Variants in BMPR1A observed in about 807,000 individuals in gnomAD.
BMPR1A encodes bone morphogenetic protein receptor type-1A.
Under a neutral mutation model 66.0 loss-of-function variants are expected in BMPR1A, and 7 were observed. That is an observed-to-expected ratio of 0.11 (90% CI 0.06 to 0.20). The LOEUF (loss-of-function observed/expected upper bound fraction) is 0.20. Among genes scored for constraint, BMPR1A ranks in the 10% least tolerant of loss-of-function variants. The probability of loss-of-function intolerance (pLI) is 1.00; values close to 1 mark genes in which losing one functional copy is unlikely to be tolerated. For missense variants in BMPR1A, 408 were observed against 669.1 expected (o/e 0.61, Z 4.31); for synonymous variants, 200 against 229.7 (o/e 0.87, Z 1.17).
intron 2 of BMPR1A, among the ~76,000 whole-genome samples, chr10:86,839,327 G>A (rs1013036506): frequency 6.6e-6 from 1 of 152,090 alleles, no homozygotes; most frequent in Non-Finnish European, 1.5e-5. Context: ...ATTAGGCCAG[G>A]TGTGCCTGTA....
intron 2 of BMPR1A, among the ~76,000 whole-genome samples, chr10:86,850,056 C>T (rs944733544): frequency 2.0e-5 from 3 of 152,110 alleles, no homozygotes; most frequent in Admixed American, 6.5e-5. Context: ...TGCAGTGGCT[C>T]ATGCCTGTAA....
At chr10:86,814,718 A>C (rs1006034486) in intron 1 of BMPR1A, among the ~76,000 whole-genome samples, 5 of 151,234 alleles carry the variant, frequency 3.3e-5, no homozygotes, top group African/African-American at 1.2e-4. Context: ...GCCTTCTAGC[A>C]TGATGTATTT....
chr10:86,819,534 C>T (rs567286278), intron 1 of BMPR1A, among the ~76,000 whole-genome samples: 93 of 152,272 alleles, frequency 6.1e-4, no homozygotes, highest in Non-Finnish European at 1.1e-3. Flanking sequence ...CTCCTGACCT[C>T]GTGATCCGCC....
At chr10:86,814,631 T>C (rs1296313688) in intron 1 of BMPR1A, among the ~76,000 whole-genome samples, 1 of 152,174 alleles carries the variant, frequency 6.6e-6, no homozygotes, top group African/African-American at 2.4e-5. Context: ...TCATGCTTTA[T>C]ATAATTTTCT....
intron 2 of BMPR1A, among the ~76,000 whole-genome samples, chr10:86,862,335 T>A (rs1842722516): frequency 6.6e-6 from 1 of 152,082 alleles, no homozygotes; most frequent in Admixed American, 6.5e-5. Context: ...GGCATAGGGA[T>A]CTGCACGTGC....
chr10:86,804,148 T>C (rs929793285), intron 1 of BMPR1A, among the ~76,000 whole-genome samples: 6 of 152,200 alleles, frequency 3.9e-5, no homozygotes, highest in Non-Finnish European at 4.4e-5. Context: ...AAATATATCA[T>C]CTTTAAATAA....
chr10:86,931,298 C>CACACACACAT, downstream of BMPR1A: 3 of 90,924 alleles, frequency 3.3e-5, no homozygotes, highest in South Asian at 9.5e-4. Flanking sequence ...CACACACACA[C>CACACACACAT]ATATATATAT....
chr10:86,910,182 C>G (rs1843457566), intron 7 of BMPR1A, among the ~76,000 whole-genome samples: 1 of 151,704 alleles, frequency 6.6e-6, no homozygotes, highest in Middle Eastern at 3.2e-3. Flanking sequence ...AAAAAAAATA[C>G]AAAAATTAGC....
chr10:86,802,822 G>A (rs947458102), intron 1 of BMPR1A, among the ~76,000 whole-genome samples: 3 of 151,482 alleles, frequency 2.0e-5, no homozygotes, highest in Non-Finnish European at 2.9e-5. Flanking sequence ...AAAAAAAGGA[G>A]TTAATTGGGA....
At chr10:86,859,396 T>C (rs1265315120) in intron 2 of BMPR1A, among the ~76,000 whole-genome samples, 1 of 151,982 alleles carries the variant, frequency 6.6e-6, no homozygotes, top group East Asian at 1.9e-4. Context: ...CTCAAACTCC[T>C]GGGCTCAAGT....
chr10:86,848,018 G>GC (rs1564702347), intron 2 of BMPR1A, among the ~76,000 whole-genome samples: 1 of 150,632 alleles, frequency 6.6e-6, no homozygotes, highest in Non-Finnish European at 1.5e-5. Flanking sequence ...TGCACCCTTC[G>GC]CCCCCCGGGT....
intron 2 of BMPR1A, among the ~76,000 whole-genome samples, chr10:86,845,714 T>G (rs1049442270): frequency 3.3e-5 from 5 of 152,092 alleles, no homozygotes; most frequent in African/African-American, 1.2e-4. Context: ...AAAAGAAATA[T>G]CTAACAGGTG....
At chr10:86,783,244 C>T (rs749750282) in intron 1 of BMPR1A, among the ~76,000 whole-genome samples, 7 of 152,162 alleles carry the variant, frequency 4.6e-5, no homozygotes, top group Non-Finnish European at 8.8e-5. Context: ...CTATTTTGAT[C>T]ACTGTAGCTT....
intron 1 of BMPR1A, among the ~76,000 whole-genome samples, chr10:86,780,932 C>T (rs1176238993): frequency 6.6e-6 from 1 of 152,058 alleles, no homozygotes; most frequent in Non-Finnish European, 1.5e-5. Flanking sequence ...CCAGGCTGGT[C>T]TCAAGCTACT....
chr10:86,929,009 A>C (rs2133664689), downstream of BMPR1A: 1 of 151,656 alleles, frequency 6.6e-6, no homozygotes, highest in South Asian at 2.1e-4. Context: ...TATGCCATTA[A>C]ATAGCCATTG....
At chr10:86,763,939 C>T (rs942738979) in intron 1 of BMPR1A, among the ~76,000 whole-genome samples, 2 of 151,946 alleles carry the variant, frequency 1.3e-5, no homozygotes, top group Non-Finnish European at 2.9e-5. Context: ...CACAGGAGCC[C>T]GCCACCACGC....
At chr10:86,920,040 C>G (rs981467001) in intron 10 of BMPR1A, among the ~76,000 whole-genome samples, 18 of 152,176 alleles carry the variant, frequency 1.2e-4, no homozygotes, top group Non-Finnish European at 4.4e-5. Context: ...TTCTTTTTAA[C>G]AGATGCAGAG....
chr10:86,884,939 A>AT (rs1196000537), intron 3 of BMPR1A, among the ~76,000 whole-genome samples: 3 of 151,980 alleles, frequency 2.0e-5, no homozygotes, highest in East Asian at 3.9e-4. Flanking sequence ...TCTAACTATA[A>AT]TTTTTTATTG....
At chr10:86,790,069 T>A (rs1207806677) in intron 1 of BMPR1A, among the ~76,000 whole-genome samples, 2 of 141,410 alleles carry the variant, frequency 1.4e-5, no homozygotes, top group Non-Finnish European at 1.5e-5. Context: ...AGCAGGAGAA[T>A]GGCGTGAACC....
Sources: gnomAD v4.1 joint callset for allele counts (sites outside exome capture counted in the v4.1 genomes callset) on GRCh38, gnomAD v4.1.1 for gene constraint, MANE v1.5 for transcripts, NCBI Gene and HGNC (gene_info 2026-07-23, HGNC 2026-07-21) for gene names.